LRP12: variants seen among roughly 807,000 people sequenced by gnomAD.
LRP12 encodes the protein low-density lipoprotein receptor-related protein 12.
LRP12 carries 14 observed loss-of-function variants against 66.0 expected under a neutral mutation model. That is an observed-to-expected ratio of 0.21 (90% confidence interval 0.14 to 0.33). The LOEUF (loss-of-function observed/expected upper bound fraction) is 0.33, where lower values mean the gene tolerates loss of function less well. Ranked by LOEUF, LRP12 falls within the 10% of genes least tolerant of loss-of-function variation. The probability of loss-of-function intolerance (pLI) is 1.00; values close to 1 mark genes in which losing one functional copy is unlikely to be tolerated. For synonymous variants in LRP12, 357 were observed against 359.1 expected (o/e 0.99, Z 0.07); for missense variants, 889 against 1,053.4 (o/e 0.84, Z 2.16).
chr8:104,513,957 T>C (rs1811036009), intron 2 of LRP12, among the ~76,000 whole-genome samples: 1 of 152,212 alleles, frequency 6.6e-6, no homozygotes, highest in South Asian at 2.1e-4. Context: ...CCCAAATCCG[T>C]CTTCAGAATA....
intron 1 of LRP12, among the ~76,000 whole-genome samples, chr8:104,532,764 C>T (rs542524158): frequency 1.1e-3 from 165 of 152,086 alleles, no homozygotes; most frequent in African/African-American, 3.7e-3. Flanking sequence ...TATCACACTT[C>T]TATAATTGCT....
chr8:104,547,083 C>T (rs937587208), intron 1 of LRP12, among the ~76,000 whole-genome samples: 1 of 143,514 alleles, frequency 7.0e-6, no homozygotes, highest in Non-Finnish European at 1.5e-5. Flanking sequence ...ATATACAATT[C>T]TATATCATAG....
chr8:104,530,122 A>G (rs1353452571), intron 2 of LRP12, among the ~76,000 whole-genome samples: 2 of 152,192 alleles, frequency 1.3e-5, no homozygotes, highest in Non-Finnish European at 2.9e-5. Flanking sequence ...TGATGTAAAC[A>G]TGCAATAGGT....
At chr8:104,492,606 T>A (rs1223889632) in intron 6 of LRP12, among the ~76,000 whole-genome samples, 1 of 152,188 alleles carries the variant, frequency 6.6e-6, no homozygotes, top group African/African-American at 2.4e-5. Context: ...ATAAGGAAGA[T>A]GTCCTCTTAT....
intron 1 of LRP12, among the ~76,000 whole-genome samples, chr8:104,550,625 GTTCC>G (rs1811711188): frequency 6.6e-6 from 1 of 151,760 alleles, no homozygotes; most frequent in Admixed American, 6.6e-5. Context: ...CTTCCTTATC[GTTCC>G]TTCCTTCCTT....
chr8:104,568,037 G>A (rs1411160341), intron 1 of LRP12, among the ~76,000 whole-genome samples: 3 of 152,134 alleles, frequency 2.0e-5, no homozygotes, highest in Admixed American at 1.3e-4. Context: ...ACTACAAAGC[G>A]ACACTAATGA....
intron 2 of LRP12, among the ~76,000 whole-genome samples, chr8:104,518,076 G>GA (rs1811097089): frequency 6.6e-6 from 1 of 152,052 alleles, no homozygotes; most frequent in Non-Finnish European, 1.5e-5. Context: ...ATAGCAGTTT[G>GA]AAAACTTAAA....
chr8:104,492,671 C>A (rs1810655560), intron 6 of LRP12, among the ~76,000 whole-genome samples: 2 of 151,850 alleles, frequency 1.3e-5, no homozygotes, highest in South Asian at 4.2e-4. Flanking sequence ...CCATATAGGC[C>A]CTTCCATAGT....
chr8:104,536,026 G>T (rs1451014959), intron 1 of LRP12, among the ~76,000 whole-genome samples: 1 of 152,022 alleles, frequency 6.6e-6, no homozygotes, highest in Non-Finnish European at 1.5e-5. Flanking sequence ...AGTGAGAATA[G>T]TTATCAAATA....
chr8:104,579,076 G>C (rs1343848236), intron 1 of LRP12, among the ~76,000 whole-genome samples: 1 of 152,074 alleles, frequency 6.6e-6, no homozygotes, highest in Non-Finnish European at 1.5e-5. Context: ...GGAAGTCTCG[G>C]TTAGGGTAAT....
chr8:104,582,220 A>T (rs998883173), intron 1 of LRP12, among the ~76,000 whole-genome samples: 3 of 152,190 alleles, frequency 2.0e-5, no homozygotes, highest in Non-Finnish European at 4.4e-5. Flanking sequence ...CAATGACAAA[A>T]CATGAGCATA....
At chr8:104,567,618 A>G (rs1812025531) in intron 1 of LRP12, among the ~76,000 whole-genome samples, 1 of 152,226 alleles carries the variant, frequency 6.6e-6, no homozygotes, top group South Asian at 2.1e-4. Flanking sequence ...AAAACTTATT[A>G]GAGCTAGTAA....
chr8:104,496,853 T>A (rs1360112860), intron 5 of LRP12, 119 bp downstream of exon 5: 11 of 986,926 alleles, frequency 1.1e-5, no homozygotes, highest in East Asian at 2.9e-5. Flanking sequence ...TCATCAACAA[T>A]CTTTATCCAT....
chr8:104,491,543 C>G lies in LRP12; in HGVS notation c.1714-4G>C. The G allele has an allele frequency of 6.6e-7, 1 of 1,511,476 alleles. No individual in the cohort carries two copies. Among genetic ancestry groups the G allele is most frequent in the Non-Finnish European group, 8.9e-7 (1 of 1,127,826 alleles). The allele number at this position is 1,511,476 out of a possible 1,614,324, so 93.6% of individuals were successfully genotyped here. On this transcript the variant is annotated splice_polypyrimidine_tract_variant and splice_region_variant and intron_variant, in intron 6 of 6. Transcript: ENST00000276654. ...TCAGATTTTCCAAAACAGAAGCCTA[C>G]AAAAATAAGAAAAGATCTTAAGATA... is the stretch of plus-strand genomic sequence containing the variant.
intron 1 of LRP12, among the ~76,000 whole-genome samples, chr8:104,539,310 G>C (rs1015501717): frequency 6.6e-6 from 1 of 152,180 alleles, no homozygotes; most frequent in Non-Finnish European, 1.5e-5. Context: ...TAAAATATTA[G>C]TGGATGAAAT....
intron 2 of LRP12, among the ~76,000 whole-genome samples, chr8:104,514,306 T>C (rs980235689): frequency 3.9e-5 from 6 of 152,148 alleles, no homozygotes; most frequent in African/African-American, 9.7e-5. Flanking sequence ...GTACCTACTA[T>C]AACCTGTAAT....
intron 1 of LRP12, among the ~76,000 whole-genome samples, chr8:104,562,737 G>C (rs546596177): frequency 1.2e-4 from 18 of 152,208 alleles, no homozygotes; most frequent in African/African-American, 3.9e-4. Context: ...ATCTACTGGA[G>C]ATGGGAGAAA....
chr8:104,577,978 A>C (rs1812191833), intron 1 of LRP12, among the ~76,000 whole-genome samples: 1 of 152,088 alleles, frequency 6.6e-6, no homozygotes, highest in Non-Finnish European at 1.5e-5. Flanking sequence ...ACTTAACATC[A>C]CAACTAAAAG....
chr8:104,493,790 T>C (rs1269075062), intron 6 of LRP12, among the ~76,000 whole-genome samples: 1 of 152,208 alleles, frequency 6.6e-6, no homozygotes, highest in Non-Finnish European at 1.5e-5. Flanking sequence ...ATGCATATTG[T>C]CACATATCTG....
Sources: allele counts gnomAD v4.1 joint callset (sites outside exome capture counted in the v4.1 genomes callset), GRCh38; gene constraint gnomAD v4.1.1; transcripts MANE v1.5; gene names NCBI Gene and HGNC (gene_info 2026-07-23, HGNC 2026-07-21).